Variants in CELF1 observed in about 807,000 individuals in gnomAD.
The protein encoded by CELF1 is 50 kDa nuclear polyadenylated RNA-binding protein.
In CELF1, 10 loss-of-function variants were observed where a neutral mutation model predicts 61.8. The observed-to-expected ratio is 0.16, with a 90% confidence interval of 0.10 to 0.27. The LOEUF is 0.27. Among genes scored for constraint, CELF1 ranks in the 10% least tolerant of loss-of-function variants. The pLI is 1.00. For missense variants in CELF1, 380 were observed against 639.1 expected (o/e 0.59, Z 4.37); for synonymous variants, 236 against 225.1 (o/e 1.05, Z -0.43).
chr11:47,477,202 A>C (rs2153401160), intron 11 of CELF1, 95 bp downstream of exon 11: 1 of 1,353,206 alleles, frequency 7.4e-7, no homozygotes, highest in East Asian at 2.3e-5. Flanking sequence ...CTCTGGAAAC[A>C]GGTGTTAACT....
chr11:47,475,272 T>G (rs996034153), intron 13 of CELF1, 64 bp downstream of exon 13: 1 of 1,526,466 alleles, frequency 6.6e-7, no homozygotes, highest in Admixed American at 1.7e-5. Context: ...TGCTCTGCCT[T>G]TCCGTTCTGG....
chr11:47,492,686 G>A (rs1379719793), intron 3 of CELF1, among the ~76,000 whole-genome samples: 5 of 152,050 alleles, frequency 3.3e-5, no homozygotes, highest in Admixed American at 6.6e-5. Flanking sequence ...GAGCTGAGAC[G>A]GGGCCACTGC....
chr11:47,506,469 A>G (rs1432837201), intron 1 of CELF1, among the ~76,000 whole-genome samples: 6 of 152,148 alleles, frequency 3.9e-5, no homozygotes, highest in African/African-American at 1.4e-4. Flanking sequence ...AAGAAAGTTG[A>G]TAAATTTGTG....
In CELF1 at chr11:47,544,999, T is replaced by C. The variant is rs568483565; in HGVS notation, c.-154+7993A>G. ...AATAAAAAAATCAAGAATCAAAGAA[T>C]AGGCCAGACATGGTGGCTCATGCCT... On this transcript the variant is annotated intron_variant, in intron 1 of 14. Transcript: ENST00000687097. 3.3e-5 allele frequency among the ~76,000 whole-genome samples: 5 copies of C among 152,066 alleles called. No individual in the cohort carries two copies. The South Asian group carries it at 8.3e-4, about 25-fold the overall frequency.
At chr11:47,547,612 T>C (rs1598549322) in intron 1 of CELF1, among the ~76,000 whole-genome samples, 1 of 139,262 alleles carries the variant, frequency 7.2e-6, no homozygotes, top group Non-Finnish European at 1.5e-5. Flanking sequence ...GAGGTTACAG[T>C]GAGCCGAGAT....
In CELF1 at chr11:47,551,679, C is replaced by G. The variant is rs1306740300; in HGVS notation, c.-154+1313G>C. Among the ~76,000 whole-genome samples the G allele has an allele frequency of 4.6e-5, 7 of 152,272 alleles. No homozygotes were observed. In the East Asian group the frequency reaches 1.2e-3, roughly 25 times the overall value. On this transcript the variant is annotated intron_variant, in intron 1 of 14. Transcript: ENST00000687097. Reference sequence around the variant, plus strand: ...GGAAAGCATCCAATTAAAGCCTTCCCAATTCATGGGTAATCAAAGACAGTG... The same window carrying G: ...GGAAAGCATCCAATTAAAGCCTTCCGAATTCATGGGTAATCAAAGACAGTG...
intron 3 of CELF1, among the ~76,000 whole-genome samples, chr11:47,493,600 A>G (rs982469075): frequency 1.3e-5 from 2 of 152,032 alleles, no homozygotes; most frequent in African/African-American, 2.4e-5. Flanking sequence ...AACTCTTTGG[A>G]AATTTTTACA....
intron 1 of CELF1, among the ~76,000 whole-genome samples, chr11:47,507,679 C>T (rs1160356268): frequency 1.3e-5 from 2 of 152,142 alleles, no homozygotes; most frequent in South Asian, 2.1e-4. Flanking sequence ...TTCAAATTCA[C>T]CAAGGACAAT....
intron 2 of CELF1, among the ~76,000 whole-genome samples, chr11:47,558,804 CAAT>C (rs1398282878): frequency 1.0e-5 from 1 of 99,628 alleles, no homozygotes. Flanking sequence ...ATATTGCAGC[CAAT>C]AATATATATA....
At chr11:47,499,982 G>A (rs1020315174) in intron 2 of CELF1, among the ~76,000 whole-genome samples, 1 of 152,168 alleles carries the variant, frequency 6.6e-6, no homozygotes, top group Non-Finnish European at 1.5e-5. Flanking sequence ...AAGGCTCACC[G>A]AAGAAATGGG....
chr11:47,522,775 G>C (rs368327694), intron 1 of CELF1, among the ~76,000 whole-genome samples: 6 of 150,146 alleles, frequency 4.0e-5, no homozygotes, highest in Middle Eastern at 3.4e-3. Flanking sequence ...GCAGTGAGCT[G>C]AGTTCGTGCC....
intron 6 of CELF1, 95 bp downstream of exon 6, chr11:47,486,654 TG>T (rs2087438663): frequency 7.4e-6 from 7 of 947,544 alleles, no homozygotes; most frequent in Non-Finnish European, 1.2e-5. Flanking sequence ...GCAATCCATC[TG>T]TCTTGGCCTC....
Position 47,473,204 on chromosome 11 carries a change from T to C in CELF1, c.1301A>G (p.Tyr434Cys). The change falls in exon 14 of 15, where the codon TAC becomes TGC. Residue 434 changes from tyrosine (Y) to cysteine (C), a missense_variant. Transcript: ENST00000687097. ...EGPEGANLFI[Y>C]HLPQEFGDQD... is the part of the protein sequence containing the mutation. ...ATCACCAAACTCCTGGGGCAGGTGG[T>C]AGATGAACAGGTTGGCTCCCTCTGG... The C allele has an allele frequency of 6.2e-7, 1 of 1,614,120 alleles. No individual in the cohort carries two copies. The highest frequency in any genetic ancestry group is 2.2e-5 in the East Asian group (1 of 44,874).
At chr11:47,481,961 G>A (rs752552803) in intron 9 of CELF1, among the ~76,000 whole-genome samples, 1 of 152,170 alleles carries the variant, frequency 6.6e-6, no homozygotes, top group Non-Finnish European at 1.5e-5. Flanking sequence ...CCAGCACTTT[G>A]GGAGGCCAAG....
intron 12 of CELF1, among the ~76,000 whole-genome samples, 153 bp from the exon 13 acceptor site, chr11:47,475,674 C>T (rs2079710675): frequency 1.3e-5 from 2 of 152,202 alleles, no homozygotes; most frequent in Non-Finnish European, 2.9e-5. Flanking sequence ...ATCTGACTGG[C>T]TAGATTTCAG....
chr11:47,556,742 G>A (rs967951660), upstream of CELF1, among the ~76,000 whole-genome samples: 1 of 152,094 alleles, frequency 6.6e-6, no homozygotes, highest in Non-Finnish European at 1.5e-5. Flanking sequence ...AGCCTGGCAT[G>A]GTGGCATGTA....
intron 3 of CELF1, among the ~76,000 whole-genome samples, chr11:47,489,246 C>T (rs1170748938): frequency 6.6e-6 from 1 of 152,144 alleles, no homozygotes; most frequent in Non-Finnish European, 1.5e-5. Context: ...ATTGGGACAT[C>T]CCAGCTGTTA....
chr11:47,530,307 A>AG (rs2096422313), intron 1 of CELF1, among the ~76,000 whole-genome samples: 1 of 152,224 alleles, frequency 6.6e-6, no homozygotes, highest in South Asian at 2.1e-4. Context: ...ATAGAAGCAA[A>AG]GACATGAAAG....
In CELF1 at chr11:47,472,156, C is replaced by T; in HGVS notation, c.*74G>A. ...GGGCTGTCAACACACAGCCTCAGGG[C>T]TTCGAATCATTAAGGGTGCTCCTCC... On this transcript the variant is annotated 3_prime_UTR_variant, in exon 15 of 15. Coordinates refer to ENST00000687097, the MANE Select transcript of CELF1 (RefSeq NM_001376376.1). 1 of 1,567,424 alleles carries T rather than the reference C, an allele frequency of 6.4e-7. No individual in the cohort carries two copies. The highest frequency in any genetic ancestry group is 1.1e-5 in the South Asian group (1 of 87,402).
Sources: allele counts gnomAD v4.1 joint callset (sites outside exome capture counted in the v4.1 genomes callset), GRCh38; gene constraint gnomAD v4.1.1; transcripts MANE v1.5; gene names NCBI Gene and HGNC (gene_info 2026-07-23, HGNC 2026-07-21).